The following ACAT2 variants were observed in gnomAD, a reference collection of about 807,000 sequenced individuals.
ACAT2 encodes acetyl-CoA acetyltransferase, cytosolic.
In ACAT2, 26 loss-of-function variants were observed where a neutral mutation model predicts 37.1. The ratio of observed to expected loss-of-function variants is 0.70; its 90% CI spans 0.51 to 0.97. The LOEUF is 0.97. Among genes scored for constraint, ACAT2 ranks in the 50% least tolerant of loss-of-function variants. The pLI is 0.00. For synonymous variants in ACAT2, 156 were observed against 163.6 expected (o/e 0.95, Z 0.35); for missense variants, 468 against 489.0 (o/e 0.96, Z 0.40).
At position 159,777,474 on chromosome 6, in the gene ACAT2, C is replaced by G. The variant is rs776706253; in HGVS notation, c.912+18C>G. 9 of 1,601,236 alleles carry G rather than the reference C, an allele frequency of 5.6e-6. No homozygotes were observed. Among genetic ancestry groups the G allele is most frequent in the South Asian group, 1.1e-5 (1 of 88,830 alleles). On this transcript the variant is annotated intron_variant, in intron 7 of 8. Coordinates refer to ENST00000367048, the MANE Select transcript of ACAT2 (RefSeq NM_005891.3). ...AGCAAGCTGTGAGTATAACCCTATT[C>G]CCTTTTATGAAATTTGTCTTCCTGT...
At position 159,769,516 on chromosome 6, in the gene ACAT2, A is replaced by G. The variant is rs1780304058; in HGVS notation, c.490+888A>G. 1.3e-5 allele frequency among the ~76,000 whole-genome samples: 2 copies of G among 152,260 alleles called. 1 individual carries two copies. Among genetic ancestry groups the G allele is most frequent in the South Asian group, 4.1e-4 (2 of 4,832 alleles). ...AAATTGCTCTTCTTTAGAAAAAAAGAAAAGAAAAAAGGCTCAGGTCATGAT... is the reference window on the plus strand; with the variant it reads ...AAATTGCTCTTCTTTAGAAAAAAAGGAAAGAAAAAAGGCTCAGGTCATGAT... On this transcript the variant is annotated intron_variant, in intron 4 of 8. Transcript: ENST00000367048.
intron 6 of ACAT2, 113 bp from the exon 7 acceptor site, chr6:159,777,189 C>T: frequency 8.3e-7 from 1 of 1,201,738 alleles, no homozygotes. Flanking sequence ...ATAGTAAATG[C>T]CTTAGCCAAC....
At chr6:159,763,378 C>T (rs1780191111) in intron 2 of ACAT2, among the ~76,000 whole-genome samples, 1 of 151,968 alleles carries the variant, frequency 6.6e-6, no homozygotes, top group Non-Finnish European at 1.5e-5. Flanking sequence ...CAAAGCAAGA[C>T]CCCGTCTCTA....
intron 7 of ACAT2, among the ~76,000 whole-genome samples, chr6:159,777,884 G>C (rs1562480402): frequency 6.6e-6 from 1 of 152,144 alleles, no homozygotes; most frequent in African/African-American, 2.4e-5. Context: ...TAGGGGAACT[G>C]ATTCTGTTAC....
chr6:159,776,103 C>A, intron 5 of ACAT2, 47 bp from the exon 6 acceptor site: 4 of 1,597,326 alleles, frequency 2.5e-6, no homozygotes, highest in Non-Finnish European at 2.6e-6. Flanking sequence ...AGCACACTTA[C>A]TTCTGTCTCT....
intron 8 of ACAT2, 151 bp from the exon 9 acceptor site, chr6:159,778,508 C>A: frequency 1.2e-6 from 1 of 861,534 alleles, no homozygotes; most frequent in Non-Finnish European, 1.7e-6. Context: ...TGAATTTTCA[C>A]AAAGGTGTAA....
chr6:159,772,732 A>G (rs765518053), intron 4 of ACAT2, among the ~76,000 whole-genome samples: 6 of 151,886 alleles, frequency 4.0e-5, no homozygotes, highest in Admixed American at 6.6e-5. Flanking sequence ...TTGAGGTTGT[A>G]TAGTATACTA....
At chr6:159,771,274 G>A (rs186104718) in intron 4 of ACAT2, among the ~76,000 whole-genome samples, 34 of 152,226 alleles carry the variant, frequency 2.2e-4, no homozygotes, top group Non-Finnish European at 4.6e-4. Context: ...CAGCTACTCG[G>A]GAGGCTGAGG....
intron 2 of ACAT2, among the ~76,000 whole-genome samples, chr6:159,764,657 C>A (rs150098668): frequency 6.6e-6 from 1 of 152,166 alleles, no homozygotes; most frequent in Non-Finnish European, 1.5e-5. Flanking sequence ...GTTGCCTGGG[C>A]GTGAGTGCAA....
intron 1 of ACAT2, chr6:159,762,624 T>G: frequency 7.1e-7 from 1 of 1,412,928 alleles, no homozygotes; most frequent in Non-Finnish European, 9.3e-7. Flanking sequence ...GCCGGTTCCT[T>G]TTGTTTGGGA....
At chr6:159,775,471 TG>T (rs750050444) in intron 5 of ACAT2, 158 bp downstream of exon 5, 62 of 852,972 alleles carry the variant, frequency 7.3e-5, no homozygotes, top group Non-Finnish European at 1.0e-4. Context: ...GGGGGTATGC[TG>T]GGTTTACAGG....
intron 8 of ACAT2, 128 bp downstream of exon 8, chr6:159,778,408 A>G (rs572361777): frequency 1.8e-6 from 1 of 558,604 alleles, no homozygotes. Flanking sequence ...GACTGAGTTC[A>G]TTACTTCCCA....
rs762165454 is a variant in ACAT2, at chr6:159,778,306, A to G, written c.1023+26A>G. 4.0e-5 allele frequency: 60 copies of G among 1,485,546 alleles called. No individual in the cohort carries two copies. The Middle Eastern group carries it at 6.9e-4, about 17-fold the overall frequency. The allele number at this position is 1,485,546 out of a possible 1,614,324, so 92.0% of individuals were successfully genotyped here. On this transcript the variant is annotated intron_variant, in intron 8 of 8. Coordinates refer to ENST00000367048, the MANE Select transcript of ACAT2 (RefSeq NM_005891.3). The stretch of plus-strand genomic sequence containing the variant: ...GTAAAGATGCACAAGTAACCCTGAG[A>G]GCTTACCAGTGAATTTCACAATCCA...
At position 159,778,798 on chromosome 6, in the gene ACAT2, TG is replaced by T. The variant is rs767278518; in HGVS notation, c.1166del (p.Gly389GlufsTer2). On this transcript the variant is annotated frameshift_variant, in exon 9 of 9. Coordinates refer to ENST00000367048, the MANE Select transcript of ACAT2 (RefSeq NM_005891.3). LOFTEE classifies it high-confidence loss of function. ...GCAGCCCTGTGCATTGGGGGTGGGA[TG>T]GGAATAGCAATGTGTGTTCAGAGAG... ...GVAALCIGGG[M>X]GIAMCVQRE 1 of 1,614,182 alleles carries T rather than the reference TG, an allele frequency of 6.2e-7. No homozygotes were observed. Among genetic ancestry groups the T allele is most frequent in the Admixed American group, 1.7e-5 (1 of 60,020 alleles).
chr6:159,770,876 C>A (rs1006350396), intron 4 of ACAT2, among the ~76,000 whole-genome samples: 2 of 151,988 alleles, frequency 1.3e-5, no homozygotes, highest in Non-Finnish European at 2.9e-5. Flanking sequence ...ACCAGCCTGG[C>A]CAACATGGGG....
chr6:159,772,288 C>T (rs1780349850), intron 4 of ACAT2, among the ~76,000 whole-genome samples: 1 of 152,024 alleles, frequency 6.6e-6, no homozygotes, highest in African/African-American at 2.4e-5. Flanking sequence ...CTCAGAATAG[C>T]CAAAACAATT....
chr6:159,762,709 A>G, intron 1 of ACAT2: 2 of 1,523,572 alleles, frequency 1.3e-6, no homozygotes, highest in Non-Finnish European at 1.8e-6. Context: ...GCCGTTCTGG[A>G]GGTCGCCTGT....
intron 2 of ACAT2, 22 bp from the exon 3 acceptor site, chr6:159,766,983 T>G: frequency 6.2e-7 from 1 of 1,612,890 alleles, no homozygotes. Flanking sequence ...TTGCTAAGAG[T>G]CCTCTGTGTT....
chr6:159,766,312 A>G (rs529609843), intron 2 of ACAT2, among the ~76,000 whole-genome samples: 7 of 152,236 alleles, frequency 4.6e-5, no homozygotes, highest in African/African-American at 1.7e-4. Context: ...CTTGGGAGCA[A>G]ATGGCCCTAG....
Sources: gnomAD v4.1 joint callset for allele counts (sites outside exome capture counted in the v4.1 genomes callset) on GRCh38, gnomAD v4.1.1 for gene constraint, MANE v1.5 for transcripts, NCBI Gene and HGNC (gene_info 2026-07-23, HGNC 2026-07-21) for gene names.